The following NFIB variants were observed in gnomAD, a reference collection of about 807,000 sequenced individuals.
The protein encoded by NFIB is nuclear factor I B.
A neutral mutation model predicts 61.5 loss-of-function variants in NFIB; 11 were observed. That is an observed-to-expected ratio of 0.18 (90% CI 0.11 to 0.30). NFIB has a LOEUF of 0.30. Ranked by LOEUF, NFIB falls within the 10% of genes least tolerant of loss-of-function variation. The probability of loss-of-function intolerance (pLI) is 1.00; values close to 1 mark genes in which losing one functional copy is unlikely to be tolerated. For missense variants in NFIB, 471 were observed against 608.9 expected, an observed-to-expected ratio of 0.77 and a Z score of 2.38; for synonymous variants, 260 against 216.5, an observed-to-expected ratio of 1.20 and a Z score of -1.76.
At chr9:14,486,605 G>T in the NFIB span, among the ~76,000 whole-genome samples, 1 of 152,138 alleles carries the variant, frequency 6.6e-6, no homozygotes, top group Non-Finnish European at 1.5e-5. Context: ...TGGCCCTGAT[G>T]AGAAGGAATT....
In NFIB at chr9:14,116,291, A is replaced by G. The variant is rs2038123926; in HGVS notation, c.1301T>C (p.Leu434Ser). The G allele has an allele frequency of 6.5e-7, 1 of 1,538,650 alleles. No individual in the cohort carries two copies. The highest frequency in any genetic ancestry group is 8.8e-7 in the Non-Finnish European group (1 of 1,140,448). Residue 434 changes from leucine (L) to serine (S), a missense_variant, in exon 9 of 11, where the codon TTG becomes TCG. Physicochemically the swap from Leu to Ser is moderately radical, Grantham distance 145 (BLOSUM62 -2). Transcript: ENST00000380953. ...TGCACTGGGATGGGGAGAGGGTGCC[A>G]AGACAGGAGTGAAATGGCCAGGCAC... ...GKVPGHFTPV[L>S]APSPHPSAVR...
chr9:14,320,015 T>A (rs1377402828), intron 1 of NFIB, among the ~76,000 whole-genome samples: 1 of 152,198 alleles, frequency 6.6e-6, no homozygotes, highest in Non-Finnish European at 1.5e-5. Flanking sequence ...AGCAGTAATA[T>A]TATCAAATTG....
intron 1 of NFIB, among the ~76,000 whole-genome samples, chr9:14,383,998 G>A (rs548178317): frequency 3.3e-5 from 5 of 152,226 alleles, no homozygotes; most frequent in African/African-American, 7.2e-5. Context: ...AGAAAAGGCC[G>A]GGGTGCCCAG....
At chr9:14,126,105 A>T (rs1027603236) in intron 6 of NFIB, among the ~76,000 whole-genome samples, 1 of 152,204 alleles carries the variant, frequency 6.6e-6, no homozygotes, top group African/African-American at 2.4e-5. Flanking sequence ...TCTGAGATTT[A>T]TATGATTCAG....
At chr9:14,257,930 A>C (rs962571690) in intron 2 of NFIB, among the ~76,000 whole-genome samples, 3 of 152,188 alleles carry the variant, frequency 2.0e-5, no homozygotes, top group Non-Finnish European at 4.4e-5. Flanking sequence ...TTAAAGCATC[A>C]TATCAGTATC....
rs61391471 is a variant in NFIB at position 14,272,692 on chromosome 9, CAAAAAAAAAAAAAA to C, written c.562+34283_562+34296del. Among the ~76,000 whole-genome samples, 509 of 67,222 alleles carry C rather than the reference CAAAAAAAAAAAAAA, an allele frequency of 7.6e-3. 2 individuals are homozygous for C. The highest frequency in any genetic ancestry group is 0.012 in the Non-Finnish European group (423 of 34,778). The allele number at this position is 67,222 out of a possible 152,430, so 44.1% of individuals were successfully genotyped here. On this transcript the variant is annotated intron_variant, in intron 2 of 10. Coordinates refer to ENST00000380953, the MANE Select transcript of NFIB (RefSeq NM_001190737.2). Reference sequence around the variant, plus strand: ...TAGCAACAGCTATAATCAATTCTCGCAAAAAAAAAAAAAAAAAAAAAAAAAAATTCTATCTTTTT... The same window carrying C: ...TAGCAACAGCTATAATCAATTCTCGCAAAAAAAAAAAAATTCTATCTTTTT...
At chr9:14,347,118 G>GC (rs2061034208) in intron 1 of NFIB, among the ~76,000 whole-genome samples, 1 of 151,420 alleles carries the variant, frequency 6.6e-6, no homozygotes, top group African/African-American at 2.4e-5. Context: ...TGGAAGGCAG[G>GC]CAGACGCGCG....
chr9:14,097,655 CACAA>C (rs973913327), intron 10 of NFIB, among the ~76,000 whole-genome samples: 1 of 152,080 alleles, frequency 6.6e-6, no homozygotes, highest in Non-Finnish European at 1.5e-5. Flanking sequence ...TGCATACACA[CACAA>C]ACACATATAT....
intron 2 of NFIB, among the ~76,000 whole-genome samples, chr9:14,199,165 A>G (rs1348292536): frequency 1.3e-5 from 2 of 152,218 alleles, no homozygotes; most frequent in Non-Finnish European, 2.9e-5. Flanking sequence ...AAAAGAAAAC[A>G]CAAATATTGG....
intron 2 of NFIB, among the ~76,000 whole-genome samples, chr9:14,180,082 G>C (rs2046601472): frequency 1.3e-5 from 2 of 152,176 alleles, no homozygotes; most frequent in Non-Finnish European, 2.9e-5. Flanking sequence ...TTGAAGGTTA[G>C]GCAAATATTG....
At chr9:14,507,526 G>A in the NFIB span, among the ~76,000 whole-genome samples, 865 of 152,242 alleles carry the variant, frequency 5.7e-3, 7 homozygotes, top group Middle Eastern at 0.01. Flanking sequence ...GTGGGCAATT[G>A]TTTTAAGGAT....
intron 1 of NFIB, among the ~76,000 whole-genome samples, chr9:14,368,818 T>C (rs1447759351): frequency 1.3e-5 from 2 of 152,222 alleles, no homozygotes; most frequent in African/African-American, 2.4e-5. Flanking sequence ...GGAAAGGAGA[T>C]GTAGTATAGC....
chr9:14,127,656 CT>C (rs1382499228), intron 6 of NFIB, among the ~76,000 whole-genome samples: 2 of 151,936 alleles, frequency 1.3e-5, no homozygotes, highest in African/African-American at 4.8e-5. Flanking sequence ...AGAAAAAGAC[CT>C]TATGGTGCTA....
chr9:14,361,708 A>G (rs2061243347), intron 1 of NFIB: 1 of 152,258 alleles, frequency 6.6e-6, no homozygotes, highest in Non-Finnish European at 1.5e-5. Flanking sequence ...TGAAGTTAAA[A>G]GAAAACATGA....
the NFIB span, among the ~76,000 whole-genome samples, chr9:14,412,329 G>A: frequency 1.4e-4 from 22 of 152,324 alleles, no homozygotes; most frequent in South Asian, 3.9e-3. Context: ...CAAGTTGACT[G>A]TTGTATCCCT....
chr9:14,279,037 G>C (rs1364405438), intron 2 of NFIB, among the ~76,000 whole-genome samples: 2 of 152,122 alleles, frequency 1.3e-5, no homozygotes, highest in Admixed American at 1.3e-4. Context: ...TAGTGAGGTA[G>C]GGAGAAAAAT....
the NFIB span, among the ~76,000 whole-genome samples, chr9:14,410,319 C>T: frequency 6.6e-6 from 1 of 152,130 alleles, no homozygotes; most frequent in South Asian, 2.1e-4. Flanking sequence ...TCATATTTTG[C>T]CCCACTGTAG....
chr9:14,315,713 T>C (rs1433452219), upstream of NFIB, among the ~76,000 whole-genome samples: 1 of 149,922 alleles, frequency 6.7e-6, no homozygotes, highest in African/African-American at 2.5e-5. Context: ...AAGAAGGCGG[T>C]TCGCCTTGCA....
chr9:14,412,151 G>A, the NFIB span, among the ~76,000 whole-genome samples: 1 of 152,150 alleles, frequency 6.6e-6, no homozygotes, highest in Non-Finnish European at 1.5e-5. Context: ...GATATGTATT[G>A]TTTTAAGCTA....
Sources: gnomAD v4.1 joint callset for allele counts (sites outside exome capture counted in the v4.1 genomes callset) on GRCh38, gnomAD v4.1.1 for gene constraint, MANE v1.5 for transcripts, NCBI Gene and HGNC (gene_info 2026-07-23, HGNC 2026-07-21) for gene names.